Variants in EML4 observed in about 807,000 individuals in gnomAD.
EML4 encodes the protein echinoderm microtubule-associated protein-like 4.
Under a neutral mutation model 129.0 loss-of-function variants are expected in EML4, and 72 were observed. The ratio of observed to expected loss-of-function variants is 0.56; its 90% confidence interval spans 0.46 to 0.68. The LOEUF (loss-of-function observed/expected upper bound fraction) is 0.68, where lower values mean the gene tolerates loss of function less well. Ranked by LOEUF, EML4 falls within the 30% of genes least tolerant of loss-of-function variation. The probability of loss-of-function intolerance (pLI) is 0.00; values close to 1 mark genes in which losing one functional copy is unlikely to be tolerated. For missense variants in EML4, 1,363 were observed against 1,190.6 expected (o/e 1.14, Z -2.13); for synonymous variants, 532 against 405.0 (o/e 1.31, Z -3.77).
At chr2:42,290,160 A>T (rs901786021) in intron 11 of EML4, among the ~76,000 whole-genome samples, 5 of 152,010 alleles carry the variant, frequency 3.3e-5, no homozygotes, top group African/African-American at 1.2e-4. Context: ...AGGAAGAGAA[A>T]ACCTCTAGTA....
intron 1 of EML4, among the ~76,000 whole-genome samples, chr2:42,220,218 G>T (rs1307439213): frequency 6.2e-5 from 9 of 145,098 alleles, no homozygotes; most frequent in African/African-American, 2.3e-4. Flanking sequence ...TCATACTCTT[G>T]CACTTTGCAG....
At chr2:42,195,271 T>C (rs1671832690) in intron 1 of EML4, among the ~76,000 whole-genome samples, 1 of 152,230 alleles carries the variant, frequency 6.6e-6, no homozygotes. Context: ...GCATATGCCT[T>C]ACACGACTAT....
chr2:42,328,012 A>G (rs1669900517), intron 21 of EML4, among the ~76,000 whole-genome samples: 1 of 152,208 alleles, frequency 6.6e-6, no homozygotes, highest in Admixed American at 6.5e-5. Flanking sequence ...ATTAAAAACA[A>G]AATAATTCTG....
intron 1 of EML4, among the ~76,000 whole-genome samples, chr2:42,190,015 G>A (rs1671494956): frequency 6.6e-6 from 1 of 150,958 alleles, no homozygotes; most frequent in African/African-American, 2.4e-5. Flanking sequence ...TTTTTTAGGT[G>A]ATGGTGTTTT....
At chr2:42,257,130 G>T (rs1229920510) in intron 3 of EML4, among the ~76,000 whole-genome samples, 1 of 152,114 alleles carries the variant, frequency 6.6e-6, no homozygotes, top group African/African-American at 2.4e-5. Flanking sequence ...GTATGTGTGT[G>T]TGTGTTAGGG....
intron 2 of EML4, among the ~76,000 whole-genome samples, chr2:42,251,894 C>A (rs1675792294): frequency 6.6e-6 from 1 of 152,118 alleles, no homozygotes; most frequent in Non-Finnish European, 1.5e-5. Flanking sequence ...TTGTTGCTCC[C>A]ACTAGGTGAT....
intron 1 of EML4, among the ~76,000 whole-genome samples, chr2:42,236,859 G>A (rs189372608): frequency 1.3e-4 from 20 of 152,270 alleles, no homozygotes; most frequent in East Asian, 9.6e-4. Context: ...AGTCTGGTAC[G>A]CATAAGATAG....
At chr2:42,263,036 A>T in intron 4 of EML4, 142 bp from the exon 5 acceptor site, 1 of 648,512 alleles carries the variant, frequency 1.5e-6, no homozygotes, top group Non-Finnish European at 2.6e-6. Context: ...TCACTCATCC[A>T]GGCAGTCTTT....
chr2:42,287,833 G>T (rs1415123236), intron 10 of EML4, among the ~76,000 whole-genome samples: 1 of 152,062 alleles, frequency 6.6e-6, no homozygotes, highest in Non-Finnish European at 1.5e-5. Context: ...ATTTAGTGAG[G>T]AACAAAGTTA....
At position 42,330,453 on chromosome 2, in the gene EML4, C is replaced by T. The variant is rs1032791052; in HGVS notation, c.*246C>T. 1.7e-6 allele frequency: 1 copy of T among 578,434 alleles called. No individual in the cohort carries two copies. Among genetic ancestry groups the T allele is most frequent in the Non-Finnish European group, 3.1e-6 (1 of 319,842 alleles). The allele number at this position is 578,434 out of a possible 1,614,324, so 35.8% of individuals were successfully genotyped here. A position where few individuals can be genotyped will look rare whatever the true frequency, so the allele number is the denominator to read the frequency against. ...GAAGACTGAATCATTAATGATGTCT[C>T]ACAAATTACTGTGTACCTAAGTGGT... On this transcript the variant is annotated 3_prime_UTR_variant, in exon 23 of 23. Transcript: ENST00000318522.
chr2:42,236,324 TGATA>T (rs1485033891), intron 1 of EML4, among the ~76,000 whole-genome samples: 1 of 152,210 alleles, frequency 6.6e-6, no homozygotes, highest in Non-Finnish European at 1.5e-5. Flanking sequence ...GTTTTACAAT[TGATA>T]GATATTTAGG....
intron 1 of EML4, among the ~76,000 whole-genome samples, chr2:42,235,627 G>A (rs569361805): frequency 6.6e-6 from 1 of 152,180 alleles, no homozygotes; most frequent in African/African-American, 2.4e-5. Context: ...TTAGGAAGGG[G>A]AGATCAGAGA....
At chr2:42,229,842 G>T (rs1255560797) in intron 1 of EML4, among the ~76,000 whole-genome samples, 1 of 151,754 alleles carries the variant, frequency 6.6e-6, no homozygotes, top group East Asian at 1.9e-4. Flanking sequence ...ACTTAATTTT[G>T]GTCATATCCT....
At chr2:42,312,080 C>T (rs1668984789) in intron 17 of EML4, among the ~76,000 whole-genome samples, 1 of 152,212 alleles carries the variant, frequency 6.6e-6, no homozygotes, top group East Asian at 1.9e-4. Flanking sequence ...GCCAGTTTTC[C>T]TGCTTATTAG....
At chr2:42,303,007 A>G (rs1418343082) in intron 14 of EML4, 97 bp from the exon 15 acceptor site, 1 of 1,285,470 alleles carries the variant, frequency 7.8e-7, no homozygotes, top group East Asian at 2.3e-5. Context: ...CTTTCGTCAT[A>G]ATTACCTCAT....
At chr2:42,244,977 G>T (rs1339004499) in intron 1 of EML4, among the ~76,000 whole-genome samples, 3 of 151,376 alleles carry the variant, frequency 2.0e-5, no homozygotes, top group African/African-American at 7.3e-5. Flanking sequence ...CCATTTTAAT[G>T]ATTTGTGAAG....
chr2:42,289,627 C>G (rs896684544), intron 11 of EML4: 3 of 152,216 alleles, frequency 2.0e-5, no homozygotes, highest in Non-Finnish European at 1.5e-5. Flanking sequence ...TTTCACCTAG[C>G]TACCTAAGCT....
Position 42,328,990 on chromosome 2 carries a change from T to C in EML4, c.2446T>C (p.Phe816Leu). 1 of 1,612,874 alleles carries C rather than the reference T, an allele frequency of 6.2e-7. No individual in the cohort carries two copies. The highest frequency in any genetic ancestry group is 2.2e-5 in the East Asian group (1 of 44,876). Reference protein sequence around the residue: ...VADDFCKVHLFQYPCSKAKAP... With the variant: ...VADDFCKVHLLQYPCSKAKAP... ...CGATGACTTTTGTAAAGTCCATCTG[T>C]TTCAGTATCCCTGCTCCAAAGCAAA... is the stretch of plus-strand genomic sequence containing the variant. The change falls in exon 22 of 23, where the codon TTT (phenylalanine) becomes CTT (leucine). Residue 816 changes from phenylalanine to leucine, a missense_variant. Phe to Leu is a conservative substitution (Grantham distance 22). Transcript: ENST00000318522.
intron 19 of EML4, among the ~76,000 whole-genome samples, chr2:42,323,660 G>A (rs1280597916): frequency 2.6e-5 from 4 of 152,048 alleles, no homozygotes; most frequent in African/African-American, 9.7e-5. Flanking sequence ...ATCCTGGTCA[G>A]GTGCAGTGGC....
Sources: allele counts gnomAD v4.1 joint callset (sites outside exome capture counted in the v4.1 genomes callset), GRCh38; gene constraint gnomAD v4.1.1; transcripts MANE v1.5; gene names NCBI Gene and HGNC (gene_info 2026-07-23, HGNC 2026-07-21).